The following PROZ variants were observed in gnomAD, a reference collection of about 807,000 sequenced individuals.
The protein encoded by PROZ is protein Z, vitamin K dependent plasma glycoprotein.
In PROZ, 46 loss-of-function variants were observed where a neutral mutation model predicts 34.9. The ratio of observed to expected loss-of-function variants is 1.32; its 90% CI spans 1.04 to 1.69. PROZ has a LOEUF of 1.69. Among genes scored for constraint, PROZ ranks in the 40% most tolerant of loss-of-function variants. The pLI is 0.00. For missense variants in PROZ, 530 were observed against 520.4 expected (o/e 1.02, Z -0.18); for synonymous variants, 195 against 208.5 (o/e 0.94, Z 0.56).
In PROZ at chr13:113,163,130, C is replaced by G; in HGVS notation, c.373+8C>G. 1.3e-6 allele frequency: 2 copies of G among 1,542,542 alleles called. No individual in the cohort carries two copies. Among genetic ancestry groups the G allele is most frequent in the Non-Finnish European group, 1.8e-6 (2 of 1,138,952 alleles). ...GCAGCAACTGCGAGCTGGGTGAGGC[C>G]CCGGCCGTCCCCTTCCCCCAAGGGC... is the stretch of plus-strand genomic sequence containing the variant. On this transcript the variant is annotated splice_region_variant and intron_variant, in intron 4 of 7. Transcript: ENST00000375547.
chr13:113,169,445 G>C (rs376087203), intron 6 of PROZ, among the ~76,000 whole-genome samples: 23 of 152,114 alleles, frequency 1.5e-4, no homozygotes, highest in African/African-American at 5.5e-4. Context: ...TCTCATTATG[G>C]GTCACATTTT....
At position 113,171,832 on chromosome 13, in the gene PROZ, G is replaced by A; in HGVS notation, c.930G>A (p.Leu310=). The change falls in exon 8 of 8, where the codon CTG becomes CTA. Residue 310 remains leucine, a synonymous_variant. Transcript: ENST00000375547. The surrounding 1 kb of genome is among the most constrained non-coding windows in gnomAD (Gnocchi z 5.1). The part of the protein sequence containing the change: ...LSGWARNGTD[L]GNSLTTRPVT... Reference sequence around the variant, plus strand: ...GCTGGGCACGCAATGGCACTGACCTGGGCAACTCGCTGACCACGCGGCCTG... The same window carrying A: ...GCTGGGCACGCAATGGCACTGACCTAGGCAACTCGCTGACCACGCGGCCTG... 6 of 1,613,628 alleles carry A rather than the reference G, an allele frequency of 3.7e-6. No individual in the cohort carries two copies. The highest frequency in any genetic ancestry group is 5.1e-6 in the Non-Finnish European group (6 of 1,180,030).
Position 113,160,175 on chromosome 13 carries a change from A to G in PROZ, c.232A>G (p.Thr78Ala). Residue 78 changes from threonine (T) to alanine (A), a missense_variant and splice_region_variant, in exon 2 of 8, where the codon ACT becomes GCT. Physicochemically the swap from Thr to Ala is moderately conservative, Grantham distance 58. Transcript: ENST00000375547. ...AGAAGTGTTTGAAAATGAAGTAGTCACTGTATGTACCCCCACCACAAACCA... is the reference window on the plus strand; with the variant it reads ...AGAAGTGTTTGAAAATGAAGTAGTCGCTGTATGTACCCCCACCACAAACCA... ...AREVFENEVV[T>A]DEFWRRYKGG... 1 of 1,614,056 alleles carries G rather than the reference A, an allele frequency of 6.2e-7. No homozygotes were observed. Among genetic ancestry groups the G allele is most frequent in the Non-Finnish European group, 8.5e-7 (1 of 1,180,004 alleles).
chr13:113,172,168 C>A lies in PROZ; in HGVS notation c.*63C>A. The A allele has an allele frequency of 6.3e-7, 1 of 1,586,620 alleles. No homozygotes were observed. Among genetic ancestry groups the A allele is most frequent in the South Asian group, 1.1e-5 (1 of 88,612 alleles). ...AAGCGGGATTCCAAGCTGGCACTGC[C>A]ACTGTGGAGGGCGCTGAAACTTCAT... On this transcript the variant is annotated 3_prime_UTR_variant, in exon 8 of 8. Coordinates refer to ENST00000375547, the MANE Select transcript of PROZ (RefSeq NM_003891.3).
In PROZ at chr13:113,163,078, C is replaced by G; in HGVS notation, c.329C>G (p.Thr110Ser). 1 of 1,560,636 alleles carries G rather than the reference C, an allele frequency of 6.4e-7. No individual in the cohort carries two copies. The highest frequency in any genetic ancestry group is 1.2e-5 in the South Asian group (1 of 84,674). ...TGCCAGGACAGCATCTGGGGCTACA[C>G]CTGCACCTGCTCCCCCGGCTATGAG... ...GSCQDSIWGY[T>S]CTCSPGYEGS... The change falls in exon 4 of 8, where the codon ACC (threonine) becomes AGC (serine). Residue 110 changes from threonine to serine, a missense_variant. Physicochemically the swap from Thr to Ser is moderately conservative, Grantham distance 58 (BLOSUM62 1). Transcript: ENST00000375547.
In PROZ at chr13:113,159,889, C is replaced by T; in HGVS notation, c.71-125C>T. 1 of 1,197,410 alleles carries T rather than the reference C, an allele frequency of 8.4e-7. No individual in the cohort carries two copies. The allele number at this position is 1,197,410 out of a possible 1,614,324, so 74.2% of individuals were successfully genotyped here. ...TAGCGGGGTGGCCCTGAGGCCCTCG[C>T]AGGCTGAGAGCCTGTGGAGACGGAC... On this transcript the variant is annotated intron_variant, in intron 1 of 7. Coordinates refer to ENST00000375547, the MANE Select transcript of PROZ (RefSeq NM_003891.3). This position sits in a 1 kb window ranked among gnomAD's most constrained non-coding sequence, Gnocchi z 4.6.
At position 113,164,597 on chromosome 13, in the gene PROZ, C is replaced by T; in HGVS notation, c.458C>T (p.Ala153Val). The change falls in exon 5 of 8, where the codon GCT becomes GTT. Residue 153 changes from alanine to valine, a missense_variant. Coordinates refer to ENST00000375547, the MANE Select transcript of PROZ (RefSeq NM_003891.3). ...CAGGAATCCTACACATGCAGCTGTGCTCAGGGCTACAGGCTTGGTGAGGAC... is the reference window on the plus strand; with the variant it reads ...CAGGAATCCTACACATGCAGCTGTGTTCAGGGCTACAGGCTTGGTGAGGAC... ...PGQESYTCSC[A>V]QGYRLGEDHK... 2 of 1,613,882 alleles carry T rather than the reference C, an allele frequency of 1.2e-6. No homozygotes were observed. Among genetic ancestry groups the T allele is most frequent in the Non-Finnish European group, 1.7e-6 (2 of 1,179,982 alleles).
rs1315579501 is a variant in PROZ at position 113,170,415 on chromosome 13, A to G, written c.576A>G (p.Val192=). The G allele has an allele frequency of 6.4e-7, 1 of 1,573,036 alleles. No homozygotes were observed. The highest frequency in any genetic ancestry group is 1.7e-5 in the Admixed American group (1 of 59,968). ...ATTGTCTGTTTTGATTTTTAAAGGT[A>G]AAGTTAACAAATTCCGAAGGAAAAG... ...APDLQDLPWQ[V]KLTNSEGKDF... The change falls in exon 7 of 8, where the codon GTA becomes GTG. Residue 192 remains valine (V), a splice_region_variant and synonymous_variant. Transcript: ENST00000375547.
intron 6 of PROZ, among the ~76,000 whole-genome samples, chr13:113,165,704 T>C (rs2036907579): frequency 6.6e-6 from 1 of 152,130 alleles, no homozygotes; most frequent in South Asian, 2.1e-4. Context: ...CTGATTTTTA[T>C]ATTTTTAGTA....
rs1566928818 is a variant in PROZ at position 113,164,607 on chromosome 13, C to T, written c.468C>T (p.Tyr156=). Residue 156 remains tyrosine, a synonymous_variant, in exon 5 of 8, where the codon TAC becomes TAT. Transcript: ENST00000375547. The stretch of plus-strand genomic sequence containing the variant: ...ACACATGCAGCTGTGCTCAGGGCTA[C>T]AGGCTTGGTGAGGACCACAAACAGT... ...ESYTCSCAQG[Y]RLGEDHKQCV... The T allele has an allele frequency of 6.2e-7, 1 of 1,613,834 alleles. No individual in the cohort carries two copies. The highest frequency in any genetic ancestry group is 2.2e-5 in the East Asian group (1 of 44,868).
In PROZ at chr13:113,159,399, C is replaced by T. The variant is rs1381009989; in HGVS notation, c.71-615C>T. The stretch of plus-strand genomic sequence containing the variant: ...GTAGCCGGACTTAGCTGAGCCCCCC[C>T]TGCTGTAACCCTCAGCACCGAGAGA... On this transcript the variant is annotated intron_variant, in intron 1 of 7. Coordinates refer to ENST00000375547, the MANE Select transcript of PROZ (RefSeq NM_003891.3). This position sits in a 1 kb window ranked among gnomAD's most constrained non-coding sequence, Gnocchi z 4.6. The T allele has an allele frequency of 4.4e-6, 4 of 904,000 alleles. No individual in the cohort carries two copies. The highest frequency in any genetic ancestry group is 2.4e-4 in the Middle Eastern group (1 of 4,216). The allele number at this position is 904,000 out of a possible 1,614,324, so 56.0% of individuals were successfully genotyped here.
At chr13:113,163,978 T>TTA (rs1566928277) in intron 4 of PROZ, among the ~76,000 whole-genome samples, 1 of 150,388 alleles carries the variant, frequency 6.6e-6, no homozygotes, top group Non-Finnish European at 1.5e-5. Context: ...TTTTTTTTTT[T>TTA]TAATTTTTAT....
chr13:113,165,159 T>C (rs779122451), intron 6 of PROZ, 39 bp downstream of exon 6: 17 of 1,569,874 alleles, frequency 1.1e-5, no homozygotes, highest in Middle Eastern at 1.7e-4. Context: ...TTTATTGTTA[T>C]GACTTTCACC....
Position 113,160,980 on chromosome 13 carries a change from G to A in PROZ, c.259+8G>A, listed in dbSNP as rs778096484. The A allele has an allele frequency of 1.2e-6, 2 of 1,606,004 alleles. No individual in the cohort carries two copies. The highest frequency in any genetic ancestry group is 2.2e-5 in the South Asian group (2 of 90,882). On this transcript the variant is annotated splice_region_variant and intron_variant, in intron 3 of 7. Coordinates refer to ENST00000375547, the MANE Select transcript of PROZ (RefSeq NM_003891.3). ...TCTGGAGACGATATAAGGGTAAGTGGTTTCCTTCGTCTCCTCAGAAGTATT... is the reference window on the plus strand; with the variant it reads ...TCTGGAGACGATATAAGGGTAAGTGATTTCCTTCGTCTCCTCAGAAGTATT...
Position 113,167,926 on chromosome 13 carries a change from A to C in PROZ, c.574-2487A>C, listed in dbSNP as rs754825792. 2.9e-4 allele frequency among the ~76,000 whole-genome samples: 44 copies of C among 151,854 alleles called. 1 individual carries two copies. Among genetic ancestry groups the C allele is most frequent in the Admixed American group, 1.3e-4 (2 of 15,242 alleles). ...TCTGTTTTCTCTCCTTTGTTGGTTTATCATCTCTGGTTCTTTGTTGGCGGT... is the reference window on the plus strand; with the variant it reads ...TCTGTTTTCTCTCCTTTGTTGGTTTCTCATCTCTGGTTCTTTGTTGGCGGT... On this transcript the variant is annotated intron_variant, in intron 6 of 7. Transcript: ENST00000375547.
chr13:113,164,397 CT>C, intron 4 of PROZ, 115 bp from the exon 5 acceptor site: 1 of 1,231,056 alleles, frequency 8.1e-7, no homozygotes. Flanking sequence ...CACCAGAACT[CT>C]TGTGTGCAAG....
chr13:113,164,875 G>A, intron 5 of PROZ, 178 bp from the exon 6 acceptor site: 1 of 931,166 alleles, frequency 1.1e-6, no homozygotes, highest in South Asian at 1.4e-5. Context: ...TGCTGTGAGG[G>A]GTGGTTTAAC....
intron 2 of PROZ, 80 bp downstream of exon 2, chr13:113,160,257 T>C: frequency 4.0e-6 from 6 of 1,506,498 alleles, no homozygotes; most frequent in South Asian, 3.4e-5. Flanking sequence ...TTCTCAGAGA[T>C]TAAGCTTAAT....
chr13:113,163,894 G>A (rs920180858), intron 4 of PROZ, among the ~76,000 whole-genome samples: 4 of 151,216 alleles, frequency 2.6e-5, no homozygotes, highest in African/African-American at 4.9e-5. Flanking sequence ...AATGCAAGCC[G>A]GCAGACAAAA....
Sources: gnomAD v4.1 joint callset for allele counts (sites outside exome capture counted in the v4.1 genomes callset) on GRCh38, gnomAD v4.1.1 for gene constraint, Gnocchi (gnomAD v3.1) non-coding constraint, MANE v1.5 for transcripts, NCBI Gene and HGNC (gene_info 2026-07-23, HGNC 2026-07-21) for gene names.